Variants in MAK observed in about 807,000 individuals in gnomAD.
The protein encoded by MAK is male germ cell associated kinase.
Under a neutral mutation model 82.6 loss-of-function variants are expected in MAK, and 65 were observed. That is an observed-to-expected ratio of 0.79 (90% CI 0.64 to 0.97). MAK has a LOEUF of 0.97. MAK is among the 50% of genes least tolerant of loss of function. The pLI, the probability that MAK is intolerant of heterozygous loss-of-function variation, is 0.00. For synonymous variants in MAK, 250 were observed against 274.2 expected, an observed-to-expected ratio of 0.91 and a Z score of 0.87; for missense variants, 703 against 780.2, an observed-to-expected ratio of 0.90 and a Z score of 1.18.
At position 10,813,119 on chromosome 6, in the gene MAK, TATATATATATATATAA is replaced by T. The variant is rs1561987341; in HGVS notation, c.358+509_358+524del. Among the ~76,000 whole-genome samples, 31 of 3,240 alleles carry T rather than the reference TATATATATATATATAA, an allele frequency of 9.6e-3. 5 individuals carry two copies. The highest frequency in any genetic ancestry group is 0.014 in the Non-Finnish European group (26 of 1,918). 2.1% of individuals were successfully genotyped at this position (3,240 alleles called of 152,430 possible). A position where few individuals can be genotyped will look rare whatever the true frequency, so the allele number is the denominator to read the frequency against. Reference sequence around the variant, plus strand: ...ATATATATATATATATATATATATATATATATATATATATAAATTTTTTTTTTTTTTTTTTTTTTTT... The same window carrying T: ...ATATATATATATATATATATATATATATTTTTTTTTTTTTTTTTTTTTTTT... On this transcript the variant is annotated intron_variant, in intron 5 of 14. Transcript: ENST00000354489.
intron 6 of MAK, among the ~76,000 whole-genome samples, chr6:10,805,487 T>C (rs1776366855): frequency 6.7e-6 from 1 of 150,224 alleles, no homozygotes; most frequent in African/African-American, 2.5e-5. Context: ...CTCGAGAGGC[T>C]GAGGCAGGAG....
At chr6:10,823,913 C>A (rs913133491) in intron 2 of MAK, among the ~76,000 whole-genome samples, 52 of 151,720 alleles carry the variant, frequency 3.4e-4, no homozygotes, top group African/African-American at 1.2e-3. Flanking sequence ...ATATTTATAG[C>A]CTAAATTGGA....
At chr6:10,830,196 C>A (rs570075304) in intron 2 of MAK, among the ~76,000 whole-genome samples, 50 of 151,064 alleles carry the variant, frequency 3.3e-4, no homozygotes, top group African/African-American at 1.1e-3. Flanking sequence ...GACGGAGTCT[C>A]ACTGTATCAC....
chr6:10,791,742 C>A lies in MAK; in HGVS notation c.1249G>T (p.Ala417Ser), dbSNP rs748539209. Residue 417 changes from alanine (A) to serine (S), a missense_variant, in exon 10 of 15, where the codon GCC (alanine) becomes TCC (serine). Transcript: ENST00000354489. ...WEELEDYDFG[A>S]SHSKKPSMGV... ...ATGCTTGGCTTCTTGGAATGGGAGGCTCCGAAATCATAGTCCTCCAACTCT... is the reference window on the plus strand; with the variant it reads ...ATGCTTGGCTTCTTGGAATGGGAGGATCCGAAATCATAGTCCTCCAACTCT... The A allele has an allele frequency of 1.3e-5, 21 of 1,613,960 alleles. No homozygotes were observed. In the Middle Eastern group the frequency reaches 4.9e-4, roughly 38 times the overall value.
chr6:10,809,360 A>G (rs1312078001), intron 5 of MAK, among the ~76,000 whole-genome samples: 1 of 152,112 alleles, frequency 6.6e-6, no homozygotes, highest in Non-Finnish European at 1.5e-5. Flanking sequence ...ACGTGTGAGA[A>G]GTGTTTTTGT....
At chr6:10,772,261 T>A (rs1174595757) in intron 13 of MAK, among the ~76,000 whole-genome samples, 1 of 152,230 alleles carries the variant, frequency 6.6e-6, no homozygotes, top group Non-Finnish European at 1.5e-5. Flanking sequence ...TGCAGCCAGT[T>A]GTTAGCACTG....
chr6:10,784,367 T>G lies in MAK; in HGVS notation c.1465+57A>C, dbSNP rs1206881849. 2.5e-6 allele frequency: 4 copies of G among 1,591,116 alleles called. No homozygotes were observed. The South Asian group carries it at 4.4e-5, about 18-fold the overall frequency. ...CTTTCTTTGGAGATTCCAAGACACTTGAACCTGACCTATCTATACTCTAGT... is the reference window on the plus strand; with the variant it reads ...CTTTCTTTGGAGATTCCAAGACACTGGAACCTGACCTATCTATACTCTAGT... On this transcript the variant is annotated intron_variant, in intron 11 of 14. Transcript: ENST00000354489.
rs1210082699 is a variant in MAK at position 10,762,790 on chromosome 6, T to C, written c.*1662A>G. The C allele has an allele frequency of 6.6e-6, 1 of 152,616 alleles. No individual in the cohort carries two copies. The highest frequency in any genetic ancestry group is 1.9e-4 in the East Asian group (1 of 5,204). The allele number at this position is 152,616 out of a possible 1,614,324, so 9.5% of individuals were successfully genotyped here. A position where few individuals can be genotyped will look rare whatever the true frequency, so the allele number is the denominator to read the frequency against. The stretch of plus-strand genomic sequence containing the variant: ...TCCCAGTAACAAAAGACTGCACAGC[T>C]TTGAGACATTAATTTAAACTGTACA... On this transcript the variant is annotated 3_prime_UTR_variant, in exon 15 of 15. Transcript: ENST00000354489.
At chr6:10,832,258 C>T (rs1430417653) in intron 1 of MAK, among the ~76,000 whole-genome samples, 2 of 152,244 alleles carry the variant, frequency 1.3e-5, no homozygotes, top group African/African-American at 4.8e-5. Context: ...AGGCATGAAC[C>T]AGTGCCCAGT....
At chr6:10,830,156 T>TGTGTGTGTGC (rs1554187797) in intron 2 of MAK, among the ~76,000 whole-genome samples, 1 of 134,028 alleles carries the variant, frequency 7.5e-6, no homozygotes, top group Non-Finnish European at 1.6e-5. Flanking sequence ...TGTGTGTGTG[T>TGTGTGTGTGC]GCGTGTGCAC....
intron 13 of MAK, 94 bp downstream of exon 13, chr6:10,772,940 G>A: frequency 1.3e-6 from 1 of 793,812 alleles, no homozygotes; most frequent in Non-Finnish European, 2.1e-6. Context: ...GATCATCTCG[G>A]CCTTTTATGT....
At chr6:10,821,778 T>C (rs1320140006) in intron 2 of MAK, among the ~76,000 whole-genome samples, 1 of 150,862 alleles carries the variant, frequency 6.6e-6, no homozygotes, top group African/African-American at 2.4e-5. Context: ...GAGGCTGTAG[T>C]GTGCTATAAC....
intron 14 of MAK, among the ~76,000 whole-genome samples, chr6:10,767,437 A>T (rs1324260385): frequency 6.6e-6 from 1 of 152,170 alleles, no homozygotes; most frequent in Non-Finnish European, 1.5e-5. Context: ...GTTAGTTTCA[A>T]GGCAGGGGAT....
chr6:10,782,202 TCACACACACACACACACACACACACACA>T (rs746386493), intron 11 of MAK, among the ~76,000 whole-genome samples: 13 of 146,054 alleles, frequency 8.9e-5, no homozygotes, highest in Admixed American at 1.4e-4. Flanking sequence ...TGAAACTCTG[TCACACACACACACACACACACACACACA>T]CACACACACA....
intron 10 of MAK, among the ~76,000 whole-genome samples, chr6:10,787,514 C>A (rs1452656630): frequency 6.6e-6 from 1 of 151,996 alleles, no homozygotes; most frequent in Non-Finnish European, 1.5e-5. Flanking sequence ...ATAATAATAA[C>A]CATATGCCTA....
intron 14 of MAK, among the ~76,000 whole-genome samples, chr6:10,769,408 C>T (rs148255457): frequency 0.012 from 1,776 of 152,256 alleles, 11 homozygotes; most frequent in Non-Finnish European, 0.017. Context: ...CAAGTGTGTA[C>T]CCCCACATGT....
intron 14 of MAK, 142 bp from the exon 15 acceptor site, chr6:10,764,748 A>G: frequency 1.1e-6 from 1 of 901,220 alleles, no homozygotes; most frequent in Non-Finnish European, 1.8e-6. Flanking sequence ...AGGCTTTTTA[A>G]ATGTTAAAAC....
intron 11 of MAK, chr6:10,780,255 T>G (rs1269248156): frequency 3.1e-6 from 3 of 983,140 alleles, no homozygotes; most frequent in African/African-American, 1.7e-5. Context: ...TTGCAGACTT[T>G]GTTAGATTTC....
At chr6:10,818,613 CAAA>C (rs35999127) in intron 3 of MAK, among the ~76,000 whole-genome samples, 12 of 111,068 alleles carry the variant, frequency 1.1e-4, no homozygotes, top group Admixed American at 2.8e-4. Context: ...GACTCTGTCA[CAAA>C]AAAAAAAAAA....
Sources: allele counts gnomAD v4.1 joint callset (sites outside exome capture counted in the v4.1 genomes callset), GRCh38; gene constraint gnomAD v4.1.1; transcripts MANE v1.5; gene names NCBI Gene and HGNC (gene_info 2026-07-23, HGNC 2026-07-21).